The following SMAD5 variants were observed in gnomAD, a reference collection of about 807,000 sequenced individuals.
The protein encoded by SMAD5 is MAD, mothers against decapentaplegic homolog 5.
In SMAD5, 9 loss-of-function variants were observed where a neutral mutation model predicts 43.1. The observed-to-expected ratio is 0.21, with a 90% CI of 0.13 to 0.36. The LOEUF (loss-of-function observed/expected upper bound fraction) is 0.36. Among genes scored for constraint, SMAD5 ranks in the 10% least tolerant of loss-of-function variants. The probability of loss-of-function intolerance (pLI) is 1.00; values close to 1 mark genes in which losing one functional copy is unlikely to be tolerated. For missense variants in SMAD5, 348 were observed against 574.0 expected (o/e 0.61, Z 4.02); for synonymous variants, 190 against 192.4 (o/e 0.99, Z 0.10).
chr5:136,165,677 T>A lies in SMAD5; in HGVS notation c.775+2286T>A, dbSNP rs1204076451. Among the ~76,000 whole-genome samples the A allele has an allele frequency of 6.6e-3, 905 of 137,074 alleles. 41 individuals carry two copies. Among genetic ancestry groups the A allele is most frequent in the African/African-American group, 0.023 (839 of 35,726 alleles). The allele number at this position is 137,074 out of a possible 152,430, so 89.9% of individuals were successfully genotyped here. A position where few individuals can be genotyped will look rare whatever the true frequency, so the allele number is the denominator to read the frequency against. On this transcript the variant is annotated intron_variant, in intron 5 of 7. Coordinates refer to ENST00000545279, the MANE Select transcript of SMAD5 (RefSeq NM_005903.7). ...GAATCATACAATTTTTTTTTTTTTT[T>A]TTTTTTTTTTTTTTTTTTTTTTGTG...
At chr5:136,145,331 G>T (rs1416113296) in intron 1 of SMAD5, among the ~76,000 whole-genome samples, 1 of 151,756 alleles carries the variant, frequency 6.6e-6, no homozygotes, top group Non-Finnish European at 1.5e-5. Context: ...CTTAGTTGTT[G>T]TTTTCACATC....
intron 1 of SMAD5, among the ~76,000 whole-genome samples, chr5:136,138,274 T>C (rs1752953126): frequency 6.6e-6 from 1 of 152,144 alleles, no homozygotes; most frequent in African/African-American, 2.4e-5. Flanking sequence ...CAGTGAGAAG[T>C]GTTGGGAATC....
chr5:136,162,155 T>TGCACTCACAAACACCCCG lies in SMAD5; in HGVS notation c.655+1057_655+1058insAACACCCCGGCACTCACA, dbSNP rs555871149. Among the ~76,000 whole-genome samples, 155 of 152,084 alleles carry TGCACTCACAAACACCCCG rather than the reference T, an allele frequency of 1.0e-3. 1 individual carries two copies. Among genetic ancestry groups the TGCACTCACAAACACCCCG allele is most frequent in the African/African-American group, 3.6e-3 (148 of 41,500 alleles). On this transcript the variant is annotated intron_variant, in intron 4 of 7. Transcript: ENST00000545279. ...AATGGGACGTGATTAAATCACAGAG[T>TGCACTCACAAACACCCCG]GCACTCACACACACCCCGGCACTCA...
At chr5:136,142,840 T>C (rs1328246629) in intron 1 of SMAD5, among the ~76,000 whole-genome samples, 1 of 152,172 alleles carries the variant, frequency 6.6e-6, no homozygotes, top group Non-Finnish European at 1.5e-5. Flanking sequence ...ATAGGCTAAA[T>C]GGCATATGAA....
intron 3 of SMAD5, among the ~76,000 whole-genome samples, chr5:136,156,573 T>C (rs1753644882): frequency 6.6e-6 from 1 of 152,286 alleles, no homozygotes; most frequent in Middle Eastern, 3.4e-3. Context: ...AGTTTCTTAC[T>C]GAGTCCAAGG....
At chr5:136,148,219 C>A (rs1353266057) in intron 2 of SMAD5, among the ~76,000 whole-genome samples, 2 of 150,906 alleles carry the variant, frequency 1.3e-5, no homozygotes, top group Non-Finnish European at 3.0e-5. Context: ...ATATGACAGC[C>A]TTCAATTTGA....
chr5:136,176,582 C>T (rs1332793700), intron 7 of SMAD5, among the ~76,000 whole-genome samples: 3 of 150,738 alleles, frequency 2.0e-5, no homozygotes, highest in Non-Finnish European at 2.9e-5. Flanking sequence ...AGTGACATCT[C>T]TTTACATTTT....
chr5:136,168,375 A>G (rs1754091436), intron 5 of SMAD5, among the ~76,000 whole-genome samples: 1 of 147,690 alleles, frequency 6.8e-6, no homozygotes, highest in South Asian at 2.1e-4. Context: ...CTATTTACCC[A>G]AAGATAATGT....
At chr5:136,148,468 T>C (rs1753339546) in intron 2 of SMAD5, among the ~76,000 whole-genome samples, 1 of 151,764 alleles carries the variant, frequency 6.6e-6, no homozygotes, top group South Asian at 2.1e-4. Context: ...ATATAAAACA[T>C]GGAGAATCTT....
rs2149785134 is a variant in SMAD5, at chr5:136,180,816, A to G, written c.*3336A>G. 6.6e-6 allele frequency: 1 copy of G among 152,272 alleles called. No homozygotes were observed. Among genetic ancestry groups the G allele is most frequent in the Non-Finnish European group, 1.5e-5 (1 of 67,966 alleles). 9.4% of individuals were successfully genotyped at this position (152,272 alleles called of 1,614,324 possible). On this transcript the variant is annotated 3_prime_UTR_variant, in exon 8 of 8. Transcript: ENST00000545279. ...ATCTAATGGCACAGATAGAGGATGTAGCTATTTTATACCTTTCATAACATT... is the reference window on the plus strand; with the variant it reads ...ATCTAATGGCACAGATAGAGGATGTGGCTATTTTATACCTTTCATAACATT...
At chr5:136,136,880 A>G (rs1752897973) in intron 1 of SMAD5, among the ~76,000 whole-genome samples, 2 of 152,102 alleles carry the variant, frequency 1.3e-5, no homozygotes, top group African/African-American at 2.4e-5. Flanking sequence ...AATTTTTAAT[A>G]GAGATGGAGT....
rs115167787 is a variant in SMAD5 at position 136,169,938 on chromosome 5, A to T, written c.776-2496A>T. ...AGTCTGTGGTGGGCTCCCTACTCAT[A>T]TCTTTTGCCATACTTTAATCAGATT... On this transcript the variant is annotated intron_variant, in intron 5 of 7. Transcript: ENST00000545279. Among the ~76,000 whole-genome samples, 247 of 152,320 alleles carry T rather than the reference A, an allele frequency of 1.6e-3. 1 individual carries two copies. Among genetic ancestry groups the T allele is most frequent in the Non-Finnish European group, 2.9e-3 (198 of 68,032 alleles).
At chr5:136,143,222 T>G (rs576358754) in intron 1 of SMAD5, among the ~76,000 whole-genome samples, 1 of 152,214 alleles carries the variant, frequency 6.6e-6, no homozygotes, top group East Asian at 1.9e-4. Flanking sequence ...AAACCTTAAC[T>G]TTTCTAGTTA....
Position 136,137,719 on chromosome 5 carries a change from G to A in SMAD5, c.-245+4757G>A, listed in dbSNP as rs76732851. On this transcript the variant is annotated intron_variant, in intron 1 of 7. Transcript: ENST00000545279. ...TGTTTTCTTCTTAGTCACATCTTCT[G>A]TCTACTTTACTCATTGACCATTTCT... 1.5e-3 allele frequency among the ~76,000 whole-genome samples: 221 copies of A among 152,284 alleles called. 2 individuals carry two copies. The highest frequency in any genetic ancestry group is 5.1e-3 in the African/African-American group (210 of 41,536).
chr5:136,172,718 A>G (rs751025662), intron 6 of SMAD5, 63 bp downstream of exon 6: 5 of 1,128,940 alleles, frequency 4.4e-6, no homozygotes, highest in Non-Finnish European at 6.7e-6. Context: ...GCCATGAACC[A>G]TGCATTGTGA....
chr5:136,170,137 T>G (rs1393383809), intron 5 of SMAD5, among the ~76,000 whole-genome samples: 1 of 152,170 alleles, frequency 6.6e-6, no homozygotes, highest in Non-Finnish European at 1.5e-5. Context: ...CTTCCATGAA[T>G]TGTACCTAAA....
intron 7 of SMAD5, among the ~76,000 whole-genome samples, chr5:136,176,156 T>TA (rs919898966): frequency 7.2e-4 from 104 of 145,024 alleles, no homozygotes; most frequent in Admixed American, 9.6e-4. Context: ...AATTTTTCGT[T>TA]AAAAAAAAAA....
chr5:136,149,470 T>C (rs1349032312), intron 2 of SMAD5, among the ~76,000 whole-genome samples: 2 of 151,762 alleles, frequency 1.3e-5, no homozygotes, highest in Non-Finnish European at 2.9e-5. Flanking sequence ...TGTATTATCA[T>C]GAACAGTTAA....
rs58156387 is a variant in SMAD5, at chr5:136,165,662, ATT to A, written c.775+2307_775+2308del. On this transcript the variant is annotated intron_variant, in intron 5 of 7. Transcript: ENST00000545279. ...TACTTCATATAAATGGAATCATACA[ATT>A]TTTTTTTTTTTTTTTTTTTTTTTTT... Among the ~76,000 whole-genome samples, 59 of 65,404 alleles carry A rather than the reference ATT, an allele frequency of 9.0e-4. 3 individuals carry two copies. Among genetic ancestry groups the A allele is most frequent in the Admixed American group, 1.5e-3 (7 of 4,732 alleles). 42.9% of individuals were successfully genotyped at this position (65,404 alleles called of 152,430 possible). A position where few individuals can be genotyped will look rare whatever the true frequency, so the allele number is the denominator to read the frequency against.
Sources: allele counts gnomAD v4.1 joint callset (sites outside exome capture counted in the v4.1 genomes callset), GRCh38; gene constraint gnomAD v4.1.1; transcripts MANE v1.5; gene names NCBI Gene and HGNC (gene_info 2026-07-23, HGNC 2026-07-21).